RPS6KA5: variants seen among roughly 807,000 people sequenced by gnomAD.
The protein encoded by RPS6KA5 is ribosomal protein S6 kinase alpha-5.
RPS6KA5 carries 27 observed loss-of-function variants against 85.5 expected under a neutral mutation model. The observed-to-expected ratio is 0.32, with a 90% CI of 0.23 to 0.44. RPS6KA5 has a LOEUF of 0.44. Ranked by LOEUF, RPS6KA5 falls within the 20% of genes least tolerant of loss-of-function variation. RPS6KA5 has a pLI of 1.00. For synonymous variants in RPS6KA5, 334 were observed against 348.2 expected (o/e 0.96, Z 0.46); for missense variants, 811 against 980.9 (o/e 0.83, Z 2.31).
At chr14:90,954,879 T>C (rs112707698) in intron 3 of RPS6KA5, among the ~76,000 whole-genome samples, 13 of 152,262 alleles carry the variant, frequency 8.5e-5, no homozygotes, top group Non-Finnish European at 1.9e-4. Context: ...ATAACAAAAC[T>C]GTATGTTGGT....
intron 1 of RPS6KA5, among the ~76,000 whole-genome samples, chr14:91,009,207 G>A (rs1381004262): frequency 2.0e-5 from 3 of 152,158 alleles, no homozygotes; most frequent in Non-Finnish European, 4.4e-5. Context: ...AAAGTGATTA[G>A]GTCACTAGGG....
intron 5 of RPS6KA5, among the ~76,000 whole-genome samples, chr14:90,926,223 A>C (rs1003504007): frequency 3.3e-5 from 5 of 151,650 alleles, no homozygotes; most frequent in Admixed American, 2.0e-4. Context: ...TGGCCAACAT[A>C]GCTCAAATCC....
chr14:90,966,042 G>A (rs889052084), intron 3 of RPS6KA5, among the ~76,000 whole-genome samples: 9 of 152,080 alleles, frequency 5.9e-5, no homozygotes, highest in African/African-American at 1.9e-4. Flanking sequence ...AAGTGAAAGA[G>A]GTTTGGCATG....
chr14:91,028,753 C>T (rs1019830996), intron 1 of RPS6KA5, among the ~76,000 whole-genome samples: 3 of 149,512 alleles, frequency 2.0e-5, no homozygotes, highest in Non-Finnish European at 4.5e-5. Context: ...CTCCTGACCT[C>T]GTGATCTGCC....
chr14:90,869,556 G>C lies in RPS6KA5; in HGVS notation c.*2518C>G, dbSNP rs1172239143. The C allele has an allele frequency of 5.9e-5, 9 of 152,136 alleles. No individual in the cohort carries two copies. Among genetic ancestry groups the C allele is most frequent in the Admixed American group, 5.9e-4 (9 of 15,268 alleles). 9.4% of individuals were successfully genotyped at this position (152,136 alleles called of 1,614,324 possible). A position where few individuals can be genotyped will look rare whatever the true frequency, so the allele number is the denominator to read the frequency against. On this transcript the variant is annotated 3_prime_UTR_variant, in exon 17 of 17. Coordinates refer to ENST00000614987, the MANE Select transcript of RPS6KA5 (RefSeq NM_004755.4). ...GAAGGGAGGGGGTGGTGTGGCTCTA[G>C]TCCCAAAGTTAATGTCATAAGGAGA...
At chr14:90,905,223 A>G (rs1038160524) in intron 8 of RPS6KA5, among the ~76,000 whole-genome samples, 2 of 152,006 alleles carry the variant, frequency 1.3e-5, no homozygotes, top group Admixed American at 6.6e-5. Flanking sequence ...TTATTTTTAT[A>G]TATTTAAAAA....
At chr14:90,889,794 G>A (rs1469960821) in intron 14 of RPS6KA5, among the ~76,000 whole-genome samples, 1 of 152,114 alleles carries the variant, frequency 6.6e-6, no homozygotes, top group Admixed American at 6.6e-5. Flanking sequence ...AAGGGGAGGA[G>A]GGGCTGAAGG....
intron 3 of RPS6KA5, among the ~76,000 whole-genome samples, chr14:90,966,575 T>C (rs2039074100): frequency 6.6e-6 from 1 of 152,234 alleles, no homozygotes; most frequent in African/African-American, 2.4e-5. Flanking sequence ...GTCATACCTC[T>C]TTATTTACAT....
At chr14:90,910,492 G>GT (rs1244016822) in intron 7 of RPS6KA5, among the ~76,000 whole-genome samples, 1 of 151,256 alleles carries the variant, frequency 6.6e-6, no homozygotes, top group Admixed American at 6.6e-5. Flanking sequence ...AGTGTCCACT[G>GT]TAACAAATGT....
At chr14:90,897,428 C>T (rs1216052838) in intron 12 of RPS6KA5, among the ~76,000 whole-genome samples, 1 of 152,082 alleles carries the variant, frequency 6.6e-6, no homozygotes, top group African/African-American at 2.4e-5. Context: ...GTACGTGAAA[C>T]GCATATCATG....
intron 2 of RPS6KA5, among the ~76,000 whole-genome samples, chr14:90,984,577 T>C (rs184509583): frequency 1.3e-5 from 2 of 152,374 alleles, no homozygotes; most frequent in African/African-American, 2.4e-5. Flanking sequence ...TCTTTGCTGA[T>C]AATGATTTCA....
chr14:90,878,686 G>C (rs974945102), intron 14 of RPS6KA5, among the ~76,000 whole-genome samples: 2 of 152,176 alleles, frequency 1.3e-5, no homozygotes, highest in African/African-American at 4.8e-5. Context: ...AGTGGTCAGG[G>C]ACATAATGAA....
At chr14:90,926,413 G>C (rs1238174365) in intron 5 of RPS6KA5, among the ~76,000 whole-genome samples, 1 of 149,776 alleles carries the variant, frequency 6.7e-6, no homozygotes, top group Non-Finnish European at 1.5e-5. Context: ...CAAAAAAAAA[G>C]ACTTAGTAAA....
intron 5 of RPS6KA5, among the ~76,000 whole-genome samples, chr14:90,937,379 T>C (rs1277513303): frequency 3.3e-5 from 5 of 151,952 alleles, no homozygotes; most frequent in Non-Finnish European, 7.4e-5. Context: ...AATGAGACAA[T>C]AGCTAGGCGG....
At chr14:91,025,149 A>C (rs1392285559) in intron 1 of RPS6KA5, among the ~76,000 whole-genome samples, 2 of 152,040 alleles carry the variant, frequency 1.3e-5, no homozygotes, top group East Asian at 1.9e-4. Context: ...GGTTCAAGCA[A>C]TTCTCCTGTC....
chr14:90,891,376 T>C (rs2034547970), intron 13 of RPS6KA5, among the ~76,000 whole-genome samples: 4 of 151,928 alleles, frequency 2.6e-5, no homozygotes, highest in Admixed American at 2.0e-4. Context: ...AACATTATTA[T>C]TTTGAATCAT....
At position 90,866,522 on chromosome 14, in the gene RPS6KA5, T is replaced by C. The variant is rs1401009843; in HGVS notation, c.*5552A>G. On this transcript the variant is annotated 3_prime_UTR_variant, in exon 17 of 17. Transcript: ENST00000614987. Reference sequence around the variant, plus strand: ...TTGGCTATACTTTTAATTGTCCACATAGAATAGAGGAAAAACAATGTTTTT... The same window carrying C: ...TTGGCTATACTTTTAATTGTCCACACAGAATAGAGGAAAAACAATGTTTTT... 1.3e-5 allele frequency: 2 copies of C among 152,214 alleles called. No homozygotes were observed. The highest frequency in any genetic ancestry group is 2.4e-5 in the African/African-American group (1 of 41,460). The allele number at this position is 152,214 out of a possible 1,614,324, so 9.4% of individuals were successfully genotyped here.
chr14:90,885,552 C>CAAAAAA lies in RPS6KA5; in HGVS notation c.1836+4929_1836+4934dup, dbSNP rs780292114. ...TGGGCGACAGAGCGAGACTCCGTCT[C>CAAAAAA]AAAAAAAAAAAAAAAAAAAAAAAAA... On this transcript the variant is annotated intron_variant, in intron 14 of 16. Coordinates refer to ENST00000614987, the MANE Select transcript of RPS6KA5 (RefSeq NM_004755.4). 1.7e-3 allele frequency among the ~76,000 whole-genome samples: 33 copies of CAAAAAA among 19,872 alleles called. 4 individuals are homozygous for CAAAAAA. Among genetic ancestry groups the CAAAAAA allele is most frequent in the African/African-American group, 2.9e-3 (7 of 2,416 alleles). The allele number at this position is 19,872 out of a possible 152,430, so 13.0% of individuals were successfully genotyped here.
chr14:91,053,346 G>T (rs1391538412), intron 1 of RPS6KA5, among the ~76,000 whole-genome samples: 3 of 152,224 alleles, frequency 2.0e-5, no homozygotes, highest in Non-Finnish European at 4.4e-5. Flanking sequence ...CATAGTGAAG[G>T]TTCTGGCCAA....
Sources: gnomAD v4.1 joint callset for allele counts (sites outside exome capture counted in the v4.1 genomes callset) on GRCh38, gnomAD v4.1.1 for gene constraint, MANE v1.5 for transcripts, NCBI Gene and HGNC (gene_info 2026-07-23, HGNC 2026-07-21) for gene names.